Variants in GRM8 observed in about 807,000 individuals in gnomAD.
The protein encoded by GRM8 is glutamate metabotropic receptor 8, also known as metabotropic glutamate receptor 8.
A neutral mutation model predicts 87.2 loss-of-function variants in GRM8; 47 were observed. That is an observed-to-expected ratio of 0.54 (90% CI 0.43 to 0.69). The LOEUF (loss-of-function observed/expected upper bound fraction) is 0.69, where lower values mean the gene tolerates loss of function less well. GRM8 is among the 30% of genes least tolerant of loss of function. The probability of loss-of-function intolerance (pLI) is 0.00; values close to 1 mark genes in which losing one functional copy is unlikely to be tolerated. For missense variants in GRM8, 1,019 were observed against 1,139.2 expected, an observed-to-expected ratio of 0.89 and a Z score of 1.52; for synonymous variants, 396 against 404.5, an observed-to-expected ratio of 0.98 and a Z score of 0.25.
chr7:127,135,515 T>C (rs1226510794), intron 2 of GRM8, among the ~76,000 whole-genome samples: 2 of 150,166 alleles, frequency 1.3e-5, no homozygotes, highest in East Asian at 2.0e-4. Flanking sequence ...AGGATGGGAA[T>C]AGGTGAGAAG....
intron 7 of GRM8, among the ~76,000 whole-genome samples, chr7:126,689,243 T>C (rs1808528574): frequency 6.6e-6 from 1 of 152,118 alleles, no homozygotes; most frequent in Non-Finnish European, 1.5e-5. Context: ...TTTCCCCCAA[T>C]AAAGCCTGTT....
rs969143643 is a variant in GRM8 at position 126,682,788 on chromosome 7, C to G, written c.1358-73290G>C. Among the ~76,000 whole-genome samples the G allele has an allele frequency of 2.6e-5, 4 of 152,190 alleles. No individual in the cohort carries two copies. The South Asian group carries it at 8.3e-4, about 32-fold the overall frequency. On this transcript the variant is annotated intron_variant, in intron 7 of 10. Transcript: ENST00000339582. Reference sequence around the variant, plus strand: ...TGTGTGGGCTGGGCGCGGTGGCTCACGCCTGTAATCCCAGCACTTTGGGAG... The same window carrying G: ...TGTGTGGGCTGGGCGCGGTGGCTCAGGCCTGTAATCCCAGCACTTTGGGAG...
intron 3 of GRM8, among the ~76,000 whole-genome samples, chr7:127,010,417 G>A (rs1402107399): frequency 6.6e-6 from 1 of 152,126 alleles, no homozygotes; most frequent in Non-Finnish European, 1.5e-5. Flanking sequence ...CGTACAGGTG[G>A]TAAGCAAGTA....
chr7:126,661,009 G>A (rs1805102944), intron 7 of GRM8, among the ~76,000 whole-genome samples: 1 of 152,212 alleles, frequency 6.6e-6, no homozygotes, highest in Non-Finnish European at 1.5e-5. Flanking sequence ...GGGAAGGGTA[G>A]TAAGAGAGAT....
chr7:126,942,917 A>G (rs992774382), intron 3 of GRM8, among the ~76,000 whole-genome samples: 4 of 152,124 alleles, frequency 2.6e-5, no homozygotes, highest in Non-Finnish European at 4.4e-5. Flanking sequence ...TGTTTTGACA[A>G]AAGGATCCTG....
intron 3 of GRM8, among the ~76,000 whole-genome samples, chr7:127,043,952 C>G (rs1192338499): frequency 6.6e-6 from 1 of 152,130 alleles, no homozygotes; most frequent in Non-Finnish European, 1.5e-5. Flanking sequence ...CAAAGACAAA[C>G]TTGATTTGTT....
At chr7:126,751,956 A>T (rs1332842187) in intron 7 of GRM8, among the ~76,000 whole-genome samples, 1 of 152,142 alleles carries the variant, frequency 6.6e-6, no homozygotes, top group East Asian at 1.9e-4. Flanking sequence ...GGAATCCTCC[A>T]ACAAGAGCCT....
intron 8 of GRM8, among the ~76,000 whole-genome samples, chr7:126,599,220 C>G (rs1189671636): frequency 1.3e-5 from 2 of 152,104 alleles, no homozygotes; most frequent in African/African-American, 4.8e-5. Context: ...CACATACATG[C>G]ACTCCTCTTG....
intron 6 of GRM8, among the ~76,000 whole-genome samples, chr7:126,827,309 T>C (rs1794910446): frequency 6.6e-6 from 1 of 152,182 alleles, no homozygotes; most frequent in African/African-American, 2.4e-5. Context: ...CCTTGGGCAG[T>C]ATGGCCATTT....
chr7:127,161,368 TG>T (rs903357567), intron 2 of GRM8, among the ~76,000 whole-genome samples: 2 of 152,156 alleles, frequency 1.3e-5, no homozygotes, highest in African/African-American at 4.8e-5. Context: ...CTGGAACAGC[TG>T]GAGAGATAGA....
intron 7 of GRM8, among the ~76,000 whole-genome samples, chr7:126,765,770 G>A (rs1375593350): frequency 1.3e-5 from 2 of 151,998 alleles, no homozygotes; most frequent in African/African-American, 2.4e-5. Context: ...GAAAGTCTTT[G>A]TTTCCTTCTG....
chr7:127,216,524 A>AAAAAG (rs1796554580), intron 2 of GRM8, among the ~76,000 whole-genome samples: 1 of 150,702 alleles, frequency 6.6e-6, no homozygotes, highest in Non-Finnish European at 1.5e-5. Flanking sequence ...TCTCAAAAAA[A>AAAAAG]AAAAAAAAAA....
intron 2 of GRM8, among the ~76,000 whole-genome samples, chr7:127,153,391 C>T (rs1792526234): frequency 6.6e-6 from 1 of 152,100 alleles, no homozygotes; most frequent in Non-Finnish European, 1.5e-5. Context: ...AAGATCAAAT[C>T]CAGACCACAG....
At chr7:126,684,900 G>A (rs1807997684) in intron 7 of GRM8, among the ~76,000 whole-genome samples, 1 of 152,168 alleles carries the variant, frequency 6.6e-6, no homozygotes, top group South Asian at 2.1e-4. Context: ...GGCAAGCAAT[G>A]CACTAGCATC....
intron 7 of GRM8, 147 bp from the exon 8 acceptor site, chr7:126,609,645 T>C (rs1785519662): frequency 1.6e-6 from 1 of 614,122 alleles, no homozygotes; most frequent in South Asian, 2.3e-5. Flanking sequence ...TCATTCTTGA[T>C]AGCATAATAT....
intron 2 of GRM8, among the ~76,000 whole-genome samples, chr7:127,212,614 T>C (rs1796286769): frequency 1.3e-5 from 2 of 151,960 alleles, no homozygotes; most frequent in Admixed American, 6.5e-5. Context: ...AGACGGGGTT[T>C]CACCGTTTTA....
Position 126,439,176 on chromosome 7 carries a change from G to A in GRM8, c.2678-8C>T, listed in dbSNP as rs778189174. On this transcript the variant is annotated splice_region_variant and splice_polypyrimidine_tract_variant and intron_variant, in intron 10 of 10. Transcript: ENST00000339582. ...TTGTCTTGGTAGAGGAAGCTGTTAA[G>A]ATAAATGAGGACAAATTAAAATAGT... The A allele has an allele frequency of 6.8e-7, 1 of 1,460,324 alleles. No individual in the cohort carries two copies. The highest frequency in any genetic ancestry group is 1.1e-5 in the South Asian group (1 of 87,934). The allele number at this position is 1,460,324 out of a possible 1,614,324, so 90.5% of individuals were successfully genotyped here.
chr7:126,996,835 A>T (rs1266864649), intron 3 of GRM8, among the ~76,000 whole-genome samples: 1 of 152,048 alleles, frequency 6.6e-6, no homozygotes, highest in Admixed American at 6.6e-5. Context: ...ACCTCAGTAC[A>T]ATAGTAGCTG....
chr7:127,006,726 T>C (rs953445482), intron 3 of GRM8, among the ~76,000 whole-genome samples: 3 of 152,026 alleles, frequency 2.0e-5, no homozygotes, highest in African/African-American at 7.2e-5. Context: ...TGCTGGATCC[T>C]CCTCTCAATA....
Sources: gnomAD v4.1 joint callset for allele counts (sites outside exome capture counted in the v4.1 genomes callset) on GRCh38, gnomAD v4.1.1 for gene constraint, MANE v1.5 for transcripts, NCBI Gene and HGNC (gene_info 2026-07-23, HGNC 2026-07-21) for gene names.